The following RFC1 variants were observed in gnomAD, a reference collection of about 807,000 sequenced individuals.
RFC1 encodes the protein replication factor C subunit 1.
A neutral mutation model predicts 137.4 loss-of-function variants in RFC1; 37 were observed. The observed-to-expected ratio is 0.27, with a 90% CI of 0.21 to 0.35. The LOEUF (loss-of-function observed/expected upper bound fraction) is 0.35, where lower values mean the gene tolerates loss of function less well. Ranked by LOEUF, RFC1 falls within the 10% of genes least tolerant of loss-of-function variation. The pLI is 1.00. For synonymous variants in RFC1, 429 were observed against 455.7 expected, an observed-to-expected ratio of 0.94 and a Z score of 0.75; for missense variants, 1,205 against 1,358.5, an observed-to-expected ratio of 0.89 and a Z score of 1.78.
chr4:39,360,366 G>A (rs2109780072), intron 1 of RFC1, among the ~76,000 whole-genome samples: 1 of 152,138 alleles, frequency 6.6e-6, no homozygotes, highest in African/African-American at 2.4e-5. Flanking sequence ...AGCCAGACGT[G>A]GTGGCATACG....
At chr4:39,351,280 AAAAAAC>A in intron 2 of RFC1, 62 bp downstream of exon 2, 216 of 536,830 alleles carry the variant, frequency 4.0e-4, no homozygotes, top group Middle Eastern at 7.0e-4. Context: ...AAAAAAAAAA[AAAAAAC>A]TTATAAGAAC....
At chr4:39,351,504 A>T in intron 1 of RFC1, 28 bp from the exon 2 acceptor site, 1 of 1,504,766 alleles carries the variant, frequency 6.6e-7, no homozygotes, top group Non-Finnish European at 8.9e-7. Context: ...GAGATTCACG[A>T]ATAAACATTA....
At chr4:39,350,774 G>A (rs772833730) in intron 2 of RFC1, among the ~76,000 whole-genome samples, 13 of 152,090 alleles carry the variant, frequency 8.5e-5, no homozygotes, top group Non-Finnish European at 1.5e-4. Flanking sequence ...GATATTAGAC[G>A]AAAACTCAGA....
At chr4:39,341,438 A>G (rs1328318731) in intron 4 of RFC1, 5 of 360,548 alleles carry the variant, frequency 1.4e-5, no homozygotes, top group South Asian at 6.4e-5. Context: ...ATAACAAAGA[A>G]ACGTCTGTTT....
In RFC1 at chr4:39,310,926, G is replaced by A. The variant is rs538092185; in HGVS notation, c.1488+519C>T. Among the ~76,000 whole-genome samples the A allele has an allele frequency of 1.8e-4, 28 of 152,260 alleles. 1 individual carries two copies. The South Asian group carries it at 5.8e-3, about 32-fold the overall frequency. On this transcript the variant is annotated intron_variant, in intron 12 of 24. Coordinates refer to ENST00000349703, the MANE Select transcript of RFC1 (RefSeq NM_002913.5). ...GGACGCTGAAGTGGGTGAATCACTT[G>A]AGGTCAGGAGTTCAAGGCCAGCCTG...
intron 15 of RFC1, among the ~76,000 whole-genome samples, chr4:39,304,548 G>A (rs1738534872): frequency 6.6e-6 from 1 of 151,896 alleles, no homozygotes; most frequent in Non-Finnish European, 1.5e-5. Flanking sequence ...TCTCTTTACA[G>A]GATTCACCTG....
intron 3 of RFC1, 110 bp from the exon 4 acceptor site, chr4:39,342,577 A>G (rs1186756754): frequency 1.9e-6 from 2 of 1,046,910 alleles, no homozygotes; most frequent in African/African-American, 3.2e-5. Flanking sequence ...TTCAAGGCAC[A>G]TGTCTTCTGT....
intron 1 of RFC1, among the ~76,000 whole-genome samples, chr4:39,365,165 A>AC (rs1741960797): frequency 6.6e-6 from 1 of 150,966 alleles, no homozygotes; most frequent in Non-Finnish European, 1.5e-5. Context: ...AAAAAAAAAA[A>AC]AAAAAAAAAA....
rs1319509942 is a variant in RFC1 at position 39,326,556 on chromosome 4, C to T, written c.642+7G>A. 2 of 1,610,562 alleles carry T rather than the reference C, an allele frequency of 1.2e-6. No homozygotes were observed. Among genetic ancestry groups the T allele is most frequent in the East Asian group, 2.2e-5 (1 of 44,796 alleles). On this transcript the variant is annotated splice_region_variant and intron_variant, in intron 6 of 24. Coordinates refer to ENST00000349703, the MANE Select transcript of RFC1 (RefSeq NM_002913.5). ...GTTACTAATGATTCTAAGCAAAATG[C>T]CAATACCTCCGCATCTTCATCAAGC...
intron 4 of RFC1, among the ~76,000 whole-genome samples, chr4:39,340,250 T>A (rs1578153909): frequency 6.6e-6 from 1 of 152,262 alleles, no homozygotes; most frequent in South Asian, 2.1e-4. Context: ...TAGGAAAAGA[T>A]AAAGTATGCA....
chr4:39,318,772 G>A (rs573469970), intron 9 of RFC1, among the ~76,000 whole-genome samples: 13 of 152,196 alleles, frequency 8.5e-5, no homozygotes, highest in African/African-American at 1.7e-4. Flanking sequence ...TCCTTTAAGC[G>A]TATTTATAAG....
At chr4:39,363,700 C>CA (rs978028371) in intron 1 of RFC1, among the ~76,000 whole-genome samples, 41 of 151,216 alleles carry the variant, frequency 2.7e-4, no homozygotes, top group African/African-American at 1.0e-3. Flanking sequence ...CCAGCCTGGC[C>CA]AACATGGTGA....
At chr4:39,297,566 G>A (rs1482197003) in intron 21 of RFC1, 1 of 151,588 alleles carries the variant, frequency 6.6e-6, no homozygotes, top group African/African-American at 2.4e-5. Flanking sequence ...ACAGTTGTAG[G>A]TATGCGGCGT....
intron 12 of RFC1, among the ~76,000 whole-genome samples, chr4:39,309,662 C>A (rs188933429): frequency 6.6e-6 from 1 of 152,150 alleles, no homozygotes; most frequent in East Asian, 1.9e-4. Context: ...GTGAGTGCCA[C>A]GGGGTGGATA....
chr4:39,304,751 T>C (rs1578116314), intron 15 of RFC1, 63 bp downstream of exon 15: 1 of 967,350 alleles, frequency 1.0e-6, no homozygotes, highest in East Asian at 2.4e-5. Context: ...TACTGGTTAC[T>C]GAACATTGAA....
intron 1 of RFC1, among the ~76,000 whole-genome samples, chr4:39,362,204 A>G (rs1311129048): frequency 1.3e-5 from 2 of 152,266 alleles, no homozygotes; most frequent in Non-Finnish European, 2.9e-5. Flanking sequence ...CATGGATCGG[A>G]AGATGTAATA....
intron 1 of RFC1, among the ~76,000 whole-genome samples, chr4:39,360,626 T>C (rs771508057): frequency 6.6e-6 from 1 of 152,054 alleles, no homozygotes; most frequent in Non-Finnish European, 1.5e-5. Flanking sequence ...TCCCAGCTAC[T>C]TGGGAGGCTG....
At chr4:39,293,008 T>C (rs1737775102) in intron 22 of RFC1, among the ~76,000 whole-genome samples, 1 of 152,172 alleles carries the variant, frequency 6.6e-6, no homozygotes, top group African/African-American at 2.4e-5. Flanking sequence ...AAAGAAATGA[T>C]TCTTTACAAA....
At chr4:39,361,802 A>C (rs1741771394) in intron 1 of RFC1, among the ~76,000 whole-genome samples, 1 of 152,202 alleles carries the variant, frequency 6.6e-6, no homozygotes, top group Non-Finnish European at 1.5e-5. Context: ...TAATCCCAGC[A>C]CTTTGGGAGG....
Sources: gnomAD v4.1 joint callset for allele counts (sites outside exome capture counted in the v4.1 genomes callset) on GRCh38, gnomAD v4.1.1 for gene constraint, MANE v1.5 for transcripts, NCBI Gene and HGNC (gene_info 2026-07-23, HGNC 2026-07-21) for gene names.